SESTD1: variants seen among roughly 807,000 people sequenced by gnomAD.
SESTD1 encodes the protein SEC14 domain and spectrin repeat-containing protein 1.
Under a neutral mutation model 101.7 loss-of-function variants are expected in SESTD1, and 43 were observed. That is an observed-to-expected ratio of 0.42 (90% confidence interval 0.33 to 0.55). SESTD1 has a LOEUF of 0.55. SESTD1 is among the 20% of genes least tolerant of loss of function. SESTD1 has a pLI of 0.07. For missense variants in SESTD1, 647 were observed against 815.1 expected, an observed-to-expected ratio of 0.79 and a Z score of 2.51; for synonymous variants, 283 against 286.8, an observed-to-expected ratio of 0.99 and a Z score of 0.13.
rs140632553 is a variant in SESTD1 at position 179,218,619 on chromosome 2, C to T, written c.-25-26753G>A. 1.3e-3 allele frequency among the ~76,000 whole-genome samples: 194 copies of T among 152,188 alleles called. 1 individual carries two copies. The highest frequency in any genetic ancestry group is 4.4e-3 in the African/African-American group (184 of 41,512). On this transcript the variant is annotated intron_variant, in intron 1 of 17. Coordinates refer to ENST00000428443, the MANE Select transcript of SESTD1 (RefSeq NM_178123.5). ...AAATAAGTACTTCTTAGAACAAAGC[C>T]CTTCTACAGTTAGGGACAATGAATT...
intron 6 of SESTD1, 22 bp downstream of exon 6, chr2:179,151,256 T>A: frequency 1.4e-6 from 2 of 1,416,244 alleles, no homozygotes; most frequent in Non-Finnish European, 1.9e-6. Context: ...AATAACATTT[T>A]ATCTCATTGT....
intron 2 of SESTD1, 129 bp from the exon 3 acceptor site, chr2:179,183,317 C>T: frequency 1.8e-6 from 1 of 542,752 alleles, no homozygotes; most frequent in Non-Finnish European, 2.9e-6. Flanking sequence ...TATCTAATGG[C>T]TACTTATAGA....
At chr2:179,258,543 T>C (rs76773004) in intron 1 of SESTD1, among the ~76,000 whole-genome samples, 1,562 of 152,352 alleles carry the variant, frequency 0.01, 25 homozygotes, top group African/African-American at 0.032. Flanking sequence ...GTTCATTTTC[T>C]AAATGATTCT....
intron 1 of SESTD1, among the ~76,000 whole-genome samples, chr2:179,237,343 C>A (rs2047083375): frequency 6.6e-6 from 1 of 152,086 alleles, no homozygotes; most frequent in African/African-American, 2.4e-5. Context: ...TTCCGATGAC[C>A]TTCTGATGTT....
chr2:179,249,673 C>T (rs568771349), intron 1 of SESTD1, among the ~76,000 whole-genome samples: 4 of 151,928 alleles, frequency 2.6e-5, no homozygotes, highest in South Asian at 2.1e-4. Context: ...CTAAAAGTTA[C>T]GTACAGAGGC....
At position 179,126,104 on chromosome 2, in the gene SESTD1, T is replaced by G. The variant is rs562400639; in HGVS notation, c.973-1546A>C. ...AAACAATAAAATACACATTTAAGAT[T>G]TGTGCATTTTACTACGCTGAAATTA... is the stretch of plus-strand genomic sequence containing the variant. On this transcript the variant is annotated intron_variant, in intron 10 of 17. Coordinates refer to ENST00000428443, the MANE Select transcript of SESTD1 (RefSeq NM_178123.5). Among the ~76,000 whole-genome samples the G allele has an allele frequency of 3.9e-5, 6 of 152,366 alleles. No individual in the cohort carries two copies. The South Asian group carries it at 1.0e-3, about 26-fold the overall frequency.
chr2:179,149,017 G>T (rs904478430), intron 7 of SESTD1, among the ~76,000 whole-genome samples: 2 of 119,350 alleles, frequency 1.7e-5, no homozygotes, highest in East Asian at 5.8e-4. Context: ...CCGAGATAGC[G>T]CCACTGCACT....
chr2:179,133,934 C>T (rs1017425063), intron 9 of SESTD1, among the ~76,000 whole-genome samples: 1 of 151,702 alleles, frequency 6.6e-6, no homozygotes, highest in Non-Finnish European at 1.5e-5. Flanking sequence ...AATAACAATA[C>T]AACAATTTAA....
At chr2:179,163,033 C>T (rs1268335274) in intron 5 of SESTD1, among the ~76,000 whole-genome samples, 7 of 151,230 alleles carry the variant, frequency 4.6e-5, no homozygotes, top group African/African-American at 1.2e-4. Context: ...TGTTGTCTAA[C>T]GAGATTGATA....
chr2:179,109,516 T>C lies in SESTD1; in HGVS notation c.*383A>G, dbSNP rs1163492629. On this transcript the variant is annotated 3_prime_UTR_variant, in exon 18 of 18. Transcript: ENST00000428443. The stretch of plus-strand genomic sequence containing the variant: ...AACAAGAGTTTAACTACTGTCTAAA[T>C]TTACTAAATCACCTGTGGAGGAAGG... 6 of 390,854 alleles carry C rather than the reference T, an allele frequency of 1.5e-5. No individual in the cohort carries two copies. The highest frequency in any genetic ancestry group is 3.6e-5 in the East Asian group (1 of 27,648). 24.2% of individuals were successfully genotyped at this position (390,854 alleles called of 1,614,324 possible).
Position 179,176,365 on chromosome 2 carries a change from T to A in SESTD1, c.255+83A>T, listed in dbSNP as rs1054077185. 26 of 1,029,136 alleles carry A rather than the reference T, an allele frequency of 2.5e-5. No individual in the cohort carries two copies. In the South Asian group the frequency reaches 2.8e-4, roughly 11 times the overall value. 63.8% of individuals were successfully genotyped at this position (1,029,136 alleles called of 1,614,324 possible). Reference sequence around the variant, plus strand: ...TGCTAGGAAGCCAGGCACAGTCCAATAAATTAAATGCATTTGCCATTTTCA... The same window carrying A: ...TGCTAGGAAGCCAGGCACAGTCCAAAAAATTAAATGCATTTGCCATTTTCA... On this transcript the variant is annotated intron_variant, in intron 4 of 17. Coordinates refer to ENST00000428443, the MANE Select transcript of SESTD1 (RefSeq NM_178123.5).
chr2:179,229,231 T>C (rs1249100798), intron 1 of SESTD1, among the ~76,000 whole-genome samples: 5 of 152,176 alleles, frequency 3.3e-5, no homozygotes, highest in Non-Finnish European at 5.9e-5. Flanking sequence ...ATTTGTGGAA[T>C]AGGTAAAGCC....
rs1404518798 is a variant in SESTD1, at chr2:179,169,082, GC to G, written c.369+3037del. ...AGAACAAAAAACCCCATAAAATCTA[GC>G]AAGATGGTAGATTTTATAAACTATA... On this transcript the variant is annotated intron_variant, in intron 5 of 17. Transcript: ENST00000428443. Among the ~76,000 whole-genome samples, 3 of 151,964 alleles carry G rather than the reference GC, an allele frequency of 2.0e-5. No homozygotes were observed. The East Asian group carries it at 5.8e-4, about 29-fold the overall frequency.
rs1328360017 is a variant in SESTD1 at position 179,105,252 on chromosome 2, G to A, written c.*4647C>T. 1 of 150,586 alleles carries A rather than the reference G, an allele frequency of 6.6e-6. No homozygotes were observed. The highest frequency in any genetic ancestry group is 1.5e-5 in the Non-Finnish European group (1 of 67,776). 9.3% of individuals were successfully genotyped at this position (150,586 alleles called of 1,614,324 possible). A position where few individuals can be genotyped will look rare whatever the true frequency, so the allele number is the denominator to read the frequency against. ...TATGCTGTTGTTGTTTCTACTGGTCGGTGCTCGCTCACTAATATCCAATCC... is the reference window on the plus strand; with the variant it reads ...TATGCTGTTGTTGTTTCTACTGGTCAGTGCTCGCTCACTAATATCCAATCC... On this transcript the variant is annotated 3_prime_UTR_variant, in exon 18 of 18. Transcript: ENST00000428443.
intron 1 of SESTD1, among the ~76,000 whole-genome samples, chr2:179,227,302 C>A (rs2046902040): frequency 6.6e-6 from 1 of 152,152 alleles, no homozygotes; most frequent in Non-Finnish European, 1.5e-5. Context: ...CACTTTCTCA[C>A]TTTAGTTATC....
rs189734659 is a variant in SESTD1 at position 179,260,562 on chromosome 2, C to G, written c.-26+3937G>C. Among the ~76,000 whole-genome samples the G allele has an allele frequency of 3.3e-5, 5 of 152,166 alleles. No homozygotes were observed. The East Asian group carries it at 9.7e-4, about 29-fold the overall frequency. On this transcript the variant is annotated intron_variant, in intron 1 of 17. Coordinates refer to ENST00000428443, the MANE Select transcript of SESTD1 (RefSeq NM_178123.5). The stretch of plus-strand genomic sequence containing the variant: ...AAGGTCATCTCAGATCTCTCTCTGC[C>G]CCCACAGTTGTCAGATGATTTCTAG...
Position 179,143,593 on chromosome 2 carries a change from T to G in SESTD1, c.848A>C (p.Gln283Pro), listed in dbSNP as rs573509613. The part of the protein sequence containing the change: ...QLEEIQQKVM[Q>P]VVNWLEGPGS... Reference sequence around the variant, plus strand: ...AATATATTCAAATCAGACACCTACCTGCATTACCTTCTGTTGAATCTCTTC... The same window carrying G: ...AATATATTCAAATCAGACACCTACCGGCATTACCTTCTGTTGAATCTCTTC... The change falls in exon 9 of 18, where the codon CAG becomes CCG. Residue 283 changes from glutamine to proline, a missense_variant and splice_region_variant. By Grantham distance (76) the Gln-to-Pro change is moderately conservative. Around this residue, in one of 3 missense-constraint regions of SESTD1, gnomAD observed 476 missense variants for 562.6 expected, o/e 0.85. Coordinates refer to ENST00000428443, the MANE Select transcript of SESTD1 (RefSeq NM_178123.5). 6.2e-7 allele frequency: 1 copy of G among 1,613,384 alleles called. No homozygotes were observed. Among genetic ancestry groups the G allele is most frequent in the Non-Finnish European group, 8.5e-7 (1 of 1,179,428 alleles).
intron 1 of SESTD1, among the ~76,000 whole-genome samples, chr2:179,219,716 A>G (rs2046786609): frequency 6.6e-6 from 1 of 152,196 alleles, no homozygotes; most frequent in African/African-American, 2.4e-5. Context: ...ATTTTATGTA[A>G]TTTGTGTGTT....
At chr2:179,223,613 A>G (rs557966398) in intron 1 of SESTD1, among the ~76,000 whole-genome samples, 1 of 152,324 alleles carries the variant, frequency 6.6e-6, no homozygotes, top group East Asian at 1.9e-4. Context: ...ATGGTAAGCA[A>G]TTTATCCCCA....
Sources: gnomAD v4.1 joint callset for allele counts (sites outside exome capture counted in the v4.1 genomes callset) on GRCh38, gnomAD v4.1.1 for gene constraint, gnomAD v4.1.1 regional missense constraint, MANE v1.5 for transcripts, NCBI Gene and HGNC (gene_info 2026-07-23, HGNC 2026-07-21) for gene names.